CDH13: variants seen among roughly 807,000 people sequenced by gnomAD.
The protein encoded by CDH13 is cadherin 13.
A neutral mutation model predicts 63.8 loss-of-function variants in CDH13; 24 were observed. The ratio of observed to expected loss-of-function variants is 0.38; its 90% CI spans 0.27 to 0.53. The LOEUF is 0.53. CDH13 is among the 20% of genes least tolerant of loss of function. CDH13 has a pLI of 0.85. For synonymous variants in CDH13, 503 were observed against 355.3 expected (o/e 1.42, Z -4.67); for missense variants, 1,049 against 903.1 (o/e 1.16, Z -2.07).
chr16:83,124,807 G>C lies in CDH13; in HGVS notation c.367-578G>C, dbSNP rs564615676. 7.2e-5 allele frequency among the ~76,000 whole-genome samples: 11 copies of C among 152,106 alleles called. No homozygotes were observed. In the East Asian group the frequency reaches 2.1e-3, roughly 29 times the overall value. ...CGTCATTTCCCTATCATATATTTTT[G>C]CCGACTTTCTTGAAGATCAGTTGGT... is the stretch of plus-strand genomic sequence containing the variant. On this transcript the variant is annotated intron_variant, in intron 3 of 13. Transcript: ENST00000567109.
At chr16:83,187,502 G>A (rs947193700) in intron 4 of CDH13, among the ~76,000 whole-genome samples, 6 of 151,972 alleles carry the variant, frequency 3.9e-5, no homozygotes, top group Non-Finnish European at 8.8e-5. Flanking sequence ...CTACTGCTTG[G>A]ATACAGCCTG....
intron 11 of CDH13, among the ~76,000 whole-genome samples, chr16:83,764,210 G>A (rs1479777656): frequency 6.6e-6 from 1 of 152,150 alleles, no homozygotes; most frequent in Non-Finnish European, 1.5e-5. Context: ...GACCACCGTG[G>A]TGGTGATCTG....
chr16:83,580,783 C>T (rs1905521680), intron 7 of CDH13, among the ~76,000 whole-genome samples: 2 of 152,120 alleles, frequency 1.3e-5, no homozygotes, highest in South Asian at 4.2e-4. Flanking sequence ...TGCACCACCA[C>T]ACCCAGCCTG....
chr16:83,263,130 T>G (rs926715089), intron 5 of CDH13, among the ~76,000 whole-genome samples: 1 of 152,222 alleles, frequency 6.6e-6, no homozygotes, highest in African/African-American at 2.4e-5. Flanking sequence ...TGAGTGTGAT[T>G]ATGCCAGAAA....
chr16:83,002,323 C>G (rs180881582), intron 2 of CDH13, among the ~76,000 whole-genome samples: 4 of 152,296 alleles, frequency 2.6e-5, no homozygotes, highest in South Asian at 4.2e-4. Flanking sequence ...GGAGGCAACT[C>G]TTGGAGTGAT....
intron 1 of CDH13, among the ~76,000 whole-genome samples, chr16:82,685,708 C>T (rs920013151): frequency 1.2e-4 from 18 of 152,170 alleles, no homozygotes; most frequent in Admixed American, 5.9e-4. Flanking sequence ...TGTTCAACCC[C>T]GCCTGGCTCA....
intron 2 of CDH13, among the ~76,000 whole-genome samples, chr16:82,869,528 C>G (rs2040270965): frequency 6.6e-6 from 1 of 152,026 alleles, no homozygotes; most frequent in Admixed American, 6.6e-5. Flanking sequence ...ACAGCAGAAG[C>G]CATCTTGAGC....
chr16:82,702,179 T>C (rs2031084676), intron 1 of CDH13, among the ~76,000 whole-genome samples: 1 of 152,148 alleles, frequency 6.6e-6, no homozygotes, highest in South Asian at 2.1e-4. Context: ...TTCCCTTGCC[T>C]GAAACACCCT....
chr16:82,942,916 TTCTGTTTA>T (rs1349032879), intron 2 of CDH13, among the ~76,000 whole-genome samples: 1 of 152,200 alleles, frequency 6.6e-6, no homozygotes, highest in Non-Finnish European at 1.5e-5. Context: ...TCGTACTCAG[TTCTGTTTA>T]ACTTCAGAGT....
chr16:83,340,261 T>C (rs2090691875), intron 5 of CDH13, among the ~76,000 whole-genome samples: 1 of 152,094 alleles, frequency 6.6e-6, no homozygotes, highest in South Asian at 2.1e-4. Context: ...TTTGTATGTG[T>C]GTGCTATGTC....
chr16:83,766,150 C>T (rs1914369190), intron 11 of CDH13, among the ~76,000 whole-genome samples: 1 of 152,174 alleles, frequency 6.6e-6, no homozygotes, highest in Non-Finnish European at 1.5e-5. Context: ...TATGGGCACC[C>T]TGTTCTGAGT....
chr16:83,657,840 T>C (rs1283114470), intron 8 of CDH13, among the ~76,000 whole-genome samples: 2 of 151,930 alleles, frequency 1.3e-5, no homozygotes, highest in Non-Finnish European at 2.9e-5. Context: ...CAAGGTCCCA[T>C]GTCCTCACCA....
chr16:83,298,039 T>G, intron 5 of CDH13, among the ~76,000 whole-genome samples: 1 of 137,378 alleles, frequency 7.3e-6, no homozygotes. Flanking sequence ...GGCAAAACCT[T>G]GTTTCTACAA....
chr16:83,295,241 A>G (rs2089563818), intron 5 of CDH13, among the ~76,000 whole-genome samples: 1 of 152,194 alleles, frequency 6.6e-6, no homozygotes, highest in East Asian at 1.9e-4. Flanking sequence ...AAATGAAATA[A>G]AGATTTAAAT....
Position 83,587,106 on chromosome 16 carries a change from G to A in CDH13, c.961-15348G>A, listed in dbSNP as rs577090877. ...CTCTAAACCAAAGTCAGCTTTGCAC[G>A]AAAATGCATTTGACTTAAGAGACCA... On this transcript the variant is annotated intron_variant, in intron 7 of 13. Transcript: ENST00000567109. Among the ~76,000 whole-genome samples, 11 of 152,228 alleles carry A rather than the reference G, an allele frequency of 7.2e-5. 1 individual carries two copies. Among genetic ancestry groups the A allele is most frequent in the African/African-American group, 2.4e-4 (10 of 41,546 alleles).
chr16:82,795,537 C>T (rs943972326), intron 1 of CDH13, among the ~76,000 whole-genome samples: 5 of 152,304 alleles, frequency 3.3e-5, no homozygotes, highest in Admixed American at 6.5e-5. Flanking sequence ...TTATGGAATG[C>T]TCAGTCAACC....
chr16:83,582,104 G>A (rs1905666290), intron 7 of CDH13, among the ~76,000 whole-genome samples: 1 of 151,896 alleles, frequency 6.6e-6, no homozygotes, highest in Non-Finnish European at 1.5e-5. Context: ...AGGGTTGTCA[G>A]GGGGGTGGTT....
chr16:83,007,137 G>T (rs1913608651), intron 2 of CDH13, among the ~76,000 whole-genome samples: 1 of 152,030 alleles, frequency 6.6e-6, no homozygotes, highest in Admixed American at 6.6e-5. Flanking sequence ...GGTCAGGCTG[G>T]TCTTGAACTC....
intron 4 of CDH13, among the ~76,000 whole-genome samples, chr16:83,185,375 T>C (rs558221059): frequency 1.1e-4 from 16 of 152,304 alleles, no homozygotes; most frequent in African/African-American, 3.4e-4. Context: ...AACTAATAAT[T>C]TCTCAGTAAG....
Sources: gnomAD v4.1 joint callset for allele counts (sites outside exome capture counted in the v4.1 genomes callset) on GRCh38, gnomAD v4.1.1 for gene constraint, MANE v1.5 for transcripts, NCBI Gene and HGNC (gene_info 2026-07-23, HGNC 2026-07-21) for gene names.